Variants in SLC9A4 observed in about 807,000 individuals in gnomAD.
SLC9A4 encodes solute carrier family 9 member A4, also known as sodium/hydrogen exchanger 4.
In SLC9A4, 63 loss-of-function variants were observed where a neutral mutation model predicts 67.4. That is an observed-to-expected ratio of 0.93 (90% CI 0.76 to 1.15). The LOEUF (loss-of-function observed/expected upper bound fraction) is 1.15, where lower values mean the gene tolerates loss of function less well. Among genes scored for constraint, SLC9A4 ranks in the 50% most tolerant of loss-of-function variants. The pLI is 0.00. For missense variants in SLC9A4, 1,089 were observed against 987.7 expected (o/e 1.10, Z -1.38); for synonymous variants, 393 against 367.2 (o/e 1.07, Z -0.80).
At chr2:102,521,562 C>T (rs1039592904) in intron 9 of SLC9A4, among the ~76,000 whole-genome samples, 6 of 152,188 alleles carry the variant, frequency 3.9e-5, no homozygotes, top group African/African-American at 1.4e-4. Flanking sequence ...CTCACCAGTC[C>T]TACCCCTTCC....
intron 4 of SLC9A4, among the ~76,000 whole-genome samples, chr2:102,505,975 C>T (rs1256478087): frequency 6.6e-6 from 1 of 152,130 alleles, no homozygotes; most frequent in Non-Finnish European, 1.5e-5. Context: ...AAGACAAATA[C>T]TGATAGAAAA....
intron 2 of SLC9A4, among the ~76,000 whole-genome samples, chr2:102,484,245 CCCT>C (rs1416898312): frequency 3.9e-5 from 6 of 152,112 alleles, no homozygotes; most frequent in Non-Finnish European, 5.9e-5. Flanking sequence ...GCACAGCTCT[CCCT>C]CCTCCCAAAC....
intron 9 of SLC9A4, 144 bp from the exon 10 acceptor site, chr2:102,524,880 T>C: frequency 1.0e-6 from 1 of 953,016 alleles, no homozygotes; most frequent in Non-Finnish European, 1.6e-6. Flanking sequence ...GGCTTGTTCA[T>C]TCGTAATCAA....
Position 102,530,764 on chromosome 2 carries a change from G to GA in SLC9A4, c.2039-1558dup, listed in dbSNP as rs572384074. Among the ~76,000 whole-genome samples the GA allele has an allele frequency of 3.0e-4, 46 of 151,790 alleles. No individual in the cohort carries two copies. In the South Asian group the frequency reaches 8.5e-3, roughly 28 times the overall value. On this transcript the variant is annotated intron_variant, in intron 11 of 11. Transcript: ENST00000295269. Reference sequence around the variant, plus strand: ...GAGAACATGTTAAAGGAGAGTCAGGGAAAAAAAATGGACAGATATATAGAT... The same window carrying GA: ...GAGAACATGTTAAAGGAGAGTCAGGGAAAAAAAAATGGACAGATATATAGAT...
At chr2:102,483,923 ACATATTAG>A (rs1438288793) in intron 2 of SLC9A4, among the ~76,000 whole-genome samples, 4 of 149,088 alleles carry the variant, frequency 2.7e-5, no homozygotes, top group African/African-American at 9.8e-5. Flanking sequence ...TTATATATTA[ACATATTAG>A]CATATATAAA....
chr2:102,518,854 G>A (rs1233528235), intron 8 of SLC9A4, among the ~76,000 whole-genome samples: 1 of 151,874 alleles, frequency 6.6e-6, no homozygotes, highest in Non-Finnish European at 1.5e-5. Context: ...AAAGAGCTGA[G>A]GCTAGAAACA....
At chr2:102,481,316 T>C (rs1209553005) in intron 2 of SLC9A4, among the ~76,000 whole-genome samples, 1 of 152,202 alleles carries the variant, frequency 6.6e-6, no homozygotes, top group African/African-American at 2.4e-5. Flanking sequence ...AGGGACATTG[T>C]TTCCTTAATG....
rs1312090151 is a variant in SLC9A4, at chr2:102,505,260, A to T, written c.987A>T (p.Thr329=). Residue 329 remains threonine, a synonymous_variant, in exon 4 of 12, where the codon ACA becomes ACT. Transcript: ENST00000295269. ...TLYLSGILAI[T]ACAVTMKKYV... ...GACTCTGCTCCTTTTATAGAATCAC[A>T]GCCTGCGCAGTAACAATGAAAAAGT... 6.2e-7 allele frequency: 1 copy of T among 1,613,708 alleles called. No homozygotes were observed. The highest frequency in any genetic ancestry group is 8.5e-7 in the Non-Finnish European group (1 of 1,179,874).
intron 1 of SLC9A4, among the ~76,000 whole-genome samples, chr2:102,474,551 T>C (rs1365236465): frequency 6.6e-6 from 1 of 152,190 alleles, no homozygotes; most frequent in Non-Finnish European, 1.5e-5. Flanking sequence ...TCGGGGCATA[T>C]AAGATTATAT....
chr2:102,492,170 G>A (rs1573334366), intron 2 of SLC9A4, among the ~76,000 whole-genome samples: 1 of 152,218 alleles, frequency 6.6e-6, no homozygotes, highest in Non-Finnish European at 1.5e-5. Flanking sequence ...GGTGTTGAGG[G>A]TCTGTGGCTT....
intron 2 of SLC9A4, among the ~76,000 whole-genome samples, chr2:102,485,708 A>G (rs542122738): frequency 9.2e-5 from 14 of 152,298 alleles, no homozygotes; most frequent in African/African-American, 3.1e-4. Context: ...GGGGACTAGA[A>G]GAGGTGGGCA....
At chr2:102,492,976 T>G (rs998839021) in intron 2 of SLC9A4, among the ~76,000 whole-genome samples, 4 of 152,238 alleles carry the variant, frequency 2.6e-5, no homozygotes, top group African/African-American at 9.6e-5. Context: ...CCAGTCTCTT[T>G]GTTAAAACAT....
chr2:102,515,602 C>T (rs1685261327), intron 8 of SLC9A4, among the ~76,000 whole-genome samples: 1 of 151,414 alleles, frequency 6.6e-6, no homozygotes, highest in South Asian at 2.1e-4. Context: ...CATGGTGGAG[C>T]CCCAGGCAAA....
At chr2:102,489,434 G>T (rs1222393516) in intron 2 of SLC9A4, among the ~76,000 whole-genome samples, 1 of 152,194 alleles carries the variant, frequency 6.6e-6, no homozygotes. Flanking sequence ...CAAGATGCAT[G>T]TTTGGAAGTC....
At chr2:102,491,317 CTTTTTTTTTTTTTTTTTTTT>C (rs61708027) in intron 2 of SLC9A4, among the ~76,000 whole-genome samples, 1 of 45,740 alleles carries the variant, frequency 2.2e-5, no homozygotes, top group South Asian at 1.4e-3. Flanking sequence ...TGTACTAATG[CTTTTTTTTTTTTTTTTTTTT>C]TTTTTTTTTT....
rs868618634 is a variant in SLC9A4, at chr2:102,479,196, C to T, written c.614C>T (p.Ala205Val). Reference protein sequence around the residue: ...QNLLFGSLISAVDPVAVLAVF... With the variant: ...QNLLFGSLISVVDPVAVLAVF... ...CTGCTGTTCGGCAGCCTGATCTCCGCCGTGGACCCAGTGGCCGTGCTAGCC... is the reference window on the plus strand; with the variant it reads ...CTGCTGTTCGGCAGCCTGATCTCCGTCGTGGACCCAGTGGCCGTGCTAGCC... The change falls in exon 2 of 12, where the codon GCC (alanine) becomes GTC (valine). Residue 205 changes from alanine (A) to valine (V), a missense_variant. By Grantham distance (64) the Ala-to-Val change is moderately conservative. Coordinates refer to ENST00000295269, the MANE Select transcript of SLC9A4 (RefSeq NM_001011552.4). 3.7e-6 allele frequency: 6 copies of T among 1,614,214 alleles called. No individual in the cohort carries two copies. The Middle Eastern group carries it at 9.9e-4, about 266-fold the overall frequency.
chr2:102,503,770 T>C (rs1684993584), intron 3 of SLC9A4, 63 bp downstream of exon 3: 1 of 1,576,980 alleles, frequency 6.3e-7, no homozygotes, highest in African/African-American at 1.4e-5. Context: ...CCACATCACA[T>C]GAGCCAGGCA....
At chr2:102,478,512 C>T (rs749686187) in intron 1 of SLC9A4, among the ~76,000 whole-genome samples, 1 of 152,186 alleles carries the variant, frequency 6.6e-6, no homozygotes, top group Admixed American at 6.5e-5. Context: ...GAAAGCTGGG[C>T]TTGCACGAGT....
intron 11 of SLC9A4, among the ~76,000 whole-genome samples, chr2:102,530,602 C>T (rs1292866844): frequency 6.6e-6 from 1 of 152,244 alleles, no homozygotes; most frequent in Middle Eastern, 3.4e-3. Context: ...CAGGGTCTGT[C>T]CACTGATGGA....
Sources: allele counts gnomAD v4.1 joint callset (sites outside exome capture counted in the v4.1 genomes callset), GRCh38; gene constraint gnomAD v4.1.1; transcripts MANE v1.5; gene names NCBI Gene and HGNC (gene_info 2026-07-23, HGNC 2026-07-21).